The following RAB27B variants were observed in gnomAD, a reference collection of about 807,000 sequenced individuals.
RAB27B encodes ras-related protein Rab-27B.
RAB27B carries 15 observed loss-of-function variants against 24.6 expected under a neutral mutation model. The ratio of observed to expected loss-of-function variants is 0.61; its 90% CI spans 0.41 to 0.94. RAB27B has a LOEUF of 0.94. Ranked by LOEUF, RAB27B falls within the 40% of genes least tolerant of loss-of-function variation. The pLI, the probability that RAB27B is intolerant of heterozygous loss-of-function variation, is 0.00. For missense variants in RAB27B, 261 were observed against 266.8 expected (o/e 0.98, Z 0.15); for synonymous variants, 105 against 92.5 (o/e 1.14, Z -0.78).
upstream of RAB27B, among the ~76,000 whole-genome samples, chr18:54,827,243 A>G (rs1178676310): frequency 6.6e-6 from 1 of 152,258 alleles, no homozygotes; most frequent in Non-Finnish European, 1.5e-5. Flanking sequence ...AGAATGGAAT[A>G]GATTGTTACC....
chr18:54,869,097 T>C (rs551608969), intron 1 of RAB27B, among the ~76,000 whole-genome samples: 51 of 152,312 alleles, frequency 3.3e-4, no homozygotes, highest in African/African-American at 1.2e-3. Flanking sequence ...ATATATTAAT[T>C]AGGGATTCAC....
Position 54,731,883 on chromosome 18 carries a change from T to C in RAB27B, c.-20+13742T>C, listed in dbSNP as rs372226908. On this transcript the variant is annotated intron_variant, in intron 2 of 4. Transcript: ENST00000586570. ...GCTATTTTAACAGAATCTTAGGACA[T>C]AGAAATTTGTATGACCTTTAACAGA... 3.3e-5 allele frequency among the ~76,000 whole-genome samples: 5 copies of C among 152,322 alleles called. No homozygotes were observed. The East Asian group carries it at 9.6e-4, about 29-fold the overall frequency.
At chr18:54,849,729 CA>C (rs1176491411) in intron 1 of RAB27B, among the ~76,000 whole-genome samples, 1 of 151,862 alleles carries the variant, frequency 6.6e-6, no homozygotes, top group Non-Finnish European at 1.5e-5. Flanking sequence ...TCAAAACAAA[CA>C]AACAAAAAGA....
At chr18:54,784,641 A>AT (rs1222950497) in intron 2 of RAB27B, among the ~76,000 whole-genome samples, 4 of 151,628 alleles carry the variant, frequency 2.6e-5, no homozygotes, top group African/African-American at 9.7e-5. Flanking sequence ...ACAGGATGTG[A>AT]TTTTGTTCTT....
chr18:54,741,225 C>T (rs1910061535), intron 2 of RAB27B, among the ~76,000 whole-genome samples: 2 of 152,122 alleles, frequency 1.3e-5, no homozygotes, highest in African/African-American at 4.8e-5. Context: ...AACATTAGAA[C>T]ACTCACCTAC....
intron 1 of RAB27B, among the ~76,000 whole-genome samples, chr18:54,848,947 A>G (rs1911446194): frequency 6.6e-6 from 1 of 152,228 alleles, no homozygotes; most frequent in South Asian, 2.1e-4. Context: ...TAAGAAATAG[A>G]ATATTCAAAT....
At position 54,782,959 on chromosome 18, in the gene RAB27B, C is replaced by CT. The variant is rs576296088; in HGVS notation, c.-20+64830dup. Reference sequence around the variant, plus strand: ...AACATTGACAAGAGTCTCATAATAACTTTTTTTTTTTTCTTTGAGACAGAG... The same window carrying CT: ...AACATTGACAAGAGTCTCATAATAACTTTTTTTTTTTTTCTTTGAGACAGAG... On this transcript the variant is annotated intron_variant, in intron 2 of 4. Coordinates refer to the RAB27B transcript ENST00000586570. Among the ~76,000 whole-genome samples, 126 of 146,654 alleles carry CT rather than the reference C, an allele frequency of 8.6e-4. 1 individual carries two copies. Among genetic ancestry groups the CT allele is most frequent in the South Asian group, 5.0e-3 (23 of 4,618 alleles).
chr18:54,873,452 A>G lies in RAB27B; in HGVS notation c.-19-4115A>G, dbSNP rs187288677. On this transcript the variant is annotated intron_variant, in intron 1 of 5. Transcript: ENST00000262094. Reference sequence around the variant, plus strand: ...TCCCTTTTATATCCACAGAACCAAGAACCAGCAAGACCATCAGTCATTGTA... The same window carrying G: ...TCCCTTTTATATCCACAGAACCAAGGACCAGCAAGACCATCAGTCATTGTA... Among the ~76,000 whole-genome samples the G allele has an allele frequency of 4.5e-4, 68 of 152,320 alleles. 1 individual carries two copies. The highest frequency in any genetic ancestry group is 1.6e-3 in the African/African-American group (65 of 41,572).
At chr18:54,767,414 AG>A (rs1272915161) in intron 2 of RAB27B, among the ~76,000 whole-genome samples, 3 of 152,172 alleles carry the variant, frequency 2.0e-5, no homozygotes, top group African/African-American at 7.2e-5. Flanking sequence ...AATGGTCATG[AG>A]GGTATTTAAT....
intron 2 of RAB27B, among the ~76,000 whole-genome samples, chr18:54,732,782 A>C (rs1909766904): frequency 6.6e-6 from 1 of 152,236 alleles, no homozygotes; most frequent in South Asian, 2.1e-4. Context: ...CTGTTCCACC[A>C]GACAAAAGTT....
At chr18:54,842,951 C>T (rs144301617) in intron 1 of RAB27B, among the ~76,000 whole-genome samples, 20 of 152,084 alleles carry the variant, frequency 1.3e-4, no homozygotes, top group Admixed American at 7.2e-4. Flanking sequence ...CCCGTCACCA[C>T]GCCCAGCTAA....
chr18:54,877,332 G>A (rs1362908879), intron 1 of RAB27B, among the ~76,000 whole-genome samples: 1 of 152,082 alleles, frequency 6.6e-6, no homozygotes, highest in East Asian at 1.9e-4. Flanking sequence ...TGTGGCAATT[G>A]ATATTTTGCA....
chr18:54,741,296 A>G (rs1281085118), intron 2 of RAB27B, among the ~76,000 whole-genome samples: 1 of 152,214 alleles, frequency 6.6e-6, no homozygotes, highest in East Asian at 1.9e-4. Context: ...AAAGAGGTTT[A>G]TCACCTATTC....
At chr18:54,764,022 A>T (rs1908280375) in intron 2 of RAB27B, among the ~76,000 whole-genome samples, 1 of 152,152 alleles carries the variant, frequency 6.6e-6, no homozygotes, top group East Asian at 1.9e-4. Flanking sequence ...GCTCTTTCTC[A>T]TGCACACATT....
In RAB27B at chr18:54,889,283, C is replaced by T. The variant is rs1475732197; in HGVS notation, c.527C>T (p.Thr176Ile). ...CAGAATGTGGAGAAAGCTGTAGAAACCCTTTTGGACTTAATCATGAAGCGA... is the reference window on the plus strand; with the variant it reads ...CAGAATGTGGAGAAAGCTGTAGAAATCCTTTTGGACTTAATCATGAAGCGA... ...TGQNVEKAVE[T>I]LLDLIMKRME... Residue 176 changes from threonine (T) to isoleucine (I), a missense_variant, in exon 6 of 6, where the codon ACC becomes ATC. Physicochemically the swap from Thr to Ile is moderately conservative, Grantham distance 89. Coordinates refer to ENST00000262094, the MANE Select transcript of RAB27B (RefSeq NM_004163.4). 1.2e-6 allele frequency: 2 copies of T among 1,613,114 alleles called. No individual in the cohort carries two copies. Among genetic ancestry groups the T allele is most frequent in the African/African-American group, 1.3e-5 (1 of 74,834 alleles).
Position 54,889,506 on chromosome 18 carries a change from C to T in RAB27B, c.*93C>T. On this transcript the variant is annotated 3_prime_UTR_variant, in exon 6 of 6. Transcript: ENST00000262094. The stretch of plus-strand genomic sequence containing the variant: ...CACAATTGTTGTTGAGTAAACCACG[C>T]ACAATGGCATGTCTTTCTTTTTCTG... 4 of 1,112,826 alleles carry T rather than the reference C, an allele frequency of 3.6e-6. No homozygotes were observed. In the South Asian group the frequency reaches 7.4e-5, roughly 21 times the overall value. 68.9% of individuals were successfully genotyped at this position (1,112,826 alleles called of 1,614,324 possible). A position where few individuals can be genotyped will look rare whatever the true frequency, so the allele number is the denominator to read the frequency against.
At chr18:54,770,950 A>G (rs1440002921) in intron 2 of RAB27B, among the ~76,000 whole-genome samples, 1 of 152,170 alleles carries the variant, frequency 6.6e-6, no homozygotes, top group Non-Finnish European at 1.5e-5. Context: ...GAGCAGAGAC[A>G]CTAGTTTTTC....
chr18:54,785,265 C>CTAA (rs61437259), intron 2 of RAB27B, among the ~76,000 whole-genome samples: 26 of 151,820 alleles, frequency 1.7e-4, no homozygotes, highest in African/African-American at 5.8e-4. Flanking sequence ...GCATGTCTGG[C>CTAA]TTTTTTTTGT....
At position 54,889,482 on chromosome 18, in the gene RAB27B, A is replaced by T; in HGVS notation, c.*69A>T. The T allele has an allele frequency of 7.2e-7, 1 of 1,396,550 alleles. No homozygotes were observed. The highest frequency in any genetic ancestry group is 9.6e-7 in the Non-Finnish European group (1 of 1,039,506). The allele number at this position is 1,396,550 out of a possible 1,614,324, so 86.5% of individuals were successfully genotyped here. On this transcript the variant is annotated 3_prime_UTR_variant, in exon 6 of 6. Coordinates refer to ENST00000262094, the MANE Select transcript of RAB27B (RefSeq NM_004163.4). ...ACTTTTAAAAACAATGACAAACCAC[A>T]CAATTGTTGTTGAGTAAACCACGCA...
Sources: allele counts gnomAD v4.1 joint callset (sites outside exome capture counted in the v4.1 genomes callset), GRCh38; gene constraint gnomAD v4.1.1; transcripts MANE v1.5; gene names NCBI Gene and HGNC (gene_info 2026-07-23, HGNC 2026-07-21).